ABTB3: variants seen among roughly 807,000 people sequenced by gnomAD.
The protein encoded by ABTB3 is ankyrin repeat- and BTB/POZ domain-containing protein 3.
chr12:107,350,148 T>G, the ABTB3 span, among the ~76,000 whole-genome samples: 3 of 152,220 alleles, frequency 2.0e-5, no homozygotes, highest in African/African-American at 7.2e-5. Context: ...GTTCATTATT[T>G]CTAATTTTCT....
the ABTB3 span, among the ~76,000 whole-genome samples, chr12:107,487,016 A>T: frequency 6.6e-6 from 1 of 152,132 alleles, no homozygotes; most frequent in Non-Finnish European, 1.5e-5. Context: ...CATTATCCCC[A>T]TTATACAGAT....
the ABTB3 span, among the ~76,000 whole-genome samples, chr12:107,381,640 A>G: frequency 6.6e-6 from 1 of 152,328 alleles, no homozygotes; most frequent in Non-Finnish European, 1.5e-5. Context: ...TTCATCAAAC[A>G]CTTCCACATT....
At chr12:107,477,321 C>T in the ABTB3 span, among the ~76,000 whole-genome samples, 9 of 152,218 alleles carry the variant, frequency 5.9e-5, no homozygotes, top group East Asian at 1.9e-4. Context: ...AAACAAAAGG[C>T]GGACTACCAC....
chr12:107,657,801 C>T, the ABTB3 span: 1 of 1,453,068 alleles, frequency 6.9e-7, no homozygotes, highest in Non-Finnish European at 9.6e-7. Context: ...ACAAATTCCA[C>T]CTGGCACCTG....
the ABTB3 span, among the ~76,000 whole-genome samples, chr12:107,404,214 CACAA>C: frequency 0.028 from 3,413 of 123,936 alleles, 132 homozygotes; most frequent in African/African-American, 0.086. Flanking sequence ...AAGTAAATGA[CACAA>C]ACAAAGGAGA....
At chr12:107,659,132 A>G in the ABTB3 span, 4 of 152,174 alleles carry the variant, frequency 2.6e-5, no homozygotes, top group African/African-American at 9.7e-5. Flanking sequence ...TGATAAACCT[A>G]TTTCCTAGCA....
At chr12:107,605,956 T>C in the ABTB3 span, among the ~76,000 whole-genome samples, 5 of 152,178 alleles carry the variant, frequency 3.3e-5, no homozygotes, top group Non-Finnish European at 5.9e-5. Flanking sequence ...ATGGGATGAC[T>C]GAGGGACAAG....
chr12:107,503,749 C>G, the ABTB3 span, among the ~76,000 whole-genome samples: 2 of 66,198 alleles, frequency 3.0e-5, no homozygotes, highest in African/African-American at 1.8e-4. Context: ...AGAGCAAGAC[C>G]CTATCTCAAA....
the ABTB3 span, among the ~76,000 whole-genome samples, chr12:107,387,549 T>C: frequency 6.6e-6 from 1 of 152,202 alleles, no homozygotes; most frequent in East Asian, 1.9e-4. Flanking sequence ...AATCACCAGA[T>C]GTAATATTGA....
At chr12:107,595,140 A>G in the ABTB3 span, among the ~76,000 whole-genome samples, 22,455 of 152,154 alleles carry the variant, frequency 0.15, 1,789 homozygotes, top group East Asian at 0.29. Flanking sequence ...TGGAAAAAAG[A>G]TGGATTTTGT....
chr12:107,506,520 G>T, the ABTB3 span, among the ~76,000 whole-genome samples: 1 of 150,948 alleles, frequency 6.6e-6, no homozygotes, highest in South Asian at 2.1e-4. Context: ...CACTCACAAA[G>T]GAAAACAGAT....
the ABTB3 span, among the ~76,000 whole-genome samples, chr12:107,322,620 C>T: frequency 2.0e-5 from 3 of 149,196 alleles, no homozygotes; most frequent in South Asian, 2.1e-4. Flanking sequence ...TTACAGTTGC[C>T]GAATTCTAGG....
chr12:107,527,563 C>A, the ABTB3 span, among the ~76,000 whole-genome samples: 16,439 of 151,972 alleles, frequency 0.11, 954 homozygotes, highest in African/African-American at 0.14. Context: ...TGAGCCATGG[C>A]GCCTGGCCAA....
the ABTB3 span, among the ~76,000 whole-genome samples, chr12:107,427,283 A>AT: frequency 0.11 from 15,673 of 140,462 alleles, 902 homozygotes; most frequent in Middle Eastern, 0.15. Flanking sequence ...CTGTGTCCCT[A>AT]TTTTTTTTTT....
the ABTB3 span, among the ~76,000 whole-genome samples, chr12:107,627,868 T>A: frequency 6.6e-6 from 1 of 152,240 alleles, no homozygotes; most frequent in Non-Finnish European, 1.5e-5. Flanking sequence ...ATTTACTTGA[T>A]CTTTTTCTTA....
At chr12:107,473,419 T>C in the ABTB3 span, among the ~76,000 whole-genome samples, 2 of 152,120 alleles carry the variant, frequency 1.3e-5, no homozygotes, top group Admixed American at 6.5e-5. Context: ...AGTGGCATGA[T>C]GTTGGCTCAC....
chr12:107,630,873 T>C, the ABTB3 span, among the ~76,000 whole-genome samples: 10 of 152,258 alleles, frequency 6.6e-5, no homozygotes, highest in African/African-American at 1.9e-4. Flanking sequence ...ACATTTGTTA[T>C]AATTAATGAA....
the ABTB3 span, among the ~76,000 whole-genome samples, chr12:107,623,916 C>T: frequency 1.2e-4 from 19 of 152,082 alleles, no homozygotes; most frequent in Admixed American, 3.3e-4. Flanking sequence ...TTAGACGAAA[C>T]GGTCAGGAAG....
the ABTB3 span, among the ~76,000 whole-genome samples, chr12:107,583,754 G>A: frequency 6.6e-6 from 1 of 152,182 alleles, no homozygotes; most frequent in Non-Finnish European, 1.5e-5. Flanking sequence ...CCAGTTTGAA[G>A]CCTCAGCCCT....
Sources: allele counts gnomAD v4.1 joint callset (sites outside exome capture counted in the v4.1 genomes callset), GRCh38; gene constraint gnomAD v4.1.1; transcripts MANE v1.5; gene names NCBI Gene and HGNC (gene_info 2026-07-23, HGNC 2026-07-21).